Variants in SBF2 observed in about 807,000 individuals in gnomAD.
SBF2 encodes SET binding factor 2.
SBF2 carries 112 observed loss-of-function variants against 225.2 expected under a neutral mutation model. That is an observed-to-expected ratio of 0.50 (90% CI 0.43 to 0.58). The LOEUF (loss-of-function observed/expected upper bound fraction) is 0.58, where lower values mean the gene tolerates loss of function less well. SBF2 is among the 20% of genes least tolerant of loss of function. The probability of loss-of-function intolerance (pLI) is 0.00; values close to 1 mark genes in which losing one functional copy is unlikely to be tolerated. For synonymous variants in SBF2, 763 were observed against 773.3 expected (o/e 0.99, Z 0.22); for missense variants, 1,996 against 2,206.2 (o/e 0.90, Z 1.91).
intron 23 of SBF2, 38 bp from the exon 24 acceptor site, chr11:9,845,778 A>C: frequency 1.2e-6 from 2 of 1,602,660 alleles, no homozygotes; most frequent in Non-Finnish European, 1.7e-6. Context: ...AGAAGCATTA[A>C]GGATTTCCTG....
At chr11:10,023,095 G>C (rs1948921858) in intron 6 of SBF2, among the ~76,000 whole-genome samples, 1 of 151,930 alleles carries the variant, frequency 6.6e-6, no homozygotes. Flanking sequence ...TTATTAATTA[G>C]AAGACTTTCT....
intron 29 of SBF2, among the ~76,000 whole-genome samples, chr11:9,816,099 T>A (rs1012421261): frequency 1.3e-5 from 2 of 152,264 alleles, no homozygotes; most frequent in Non-Finnish European, 2.9e-5. Context: ...ATAACTTTCA[T>A]GTCCTATATA....
intron 28 of SBF2, among the ~76,000 whole-genome samples, chr11:9,822,633 G>A (rs1022572535): frequency 7.2e-5 from 11 of 152,192 alleles, no homozygotes; most frequent in Non-Finnish European, 1.6e-4. Flanking sequence ...CGGCTAAGGG[G>A]ACTGCTTCAG....
At chr11:10,023,063 A>G (rs941836617) in intron 6 of SBF2, among the ~76,000 whole-genome samples, 3 of 152,124 alleles carry the variant, frequency 2.0e-5, no homozygotes, top group African/African-American at 7.2e-5. Context: ...ATGATACTCT[A>G]TTTCCATCAT....
At chr11:10,232,311 A>G (rs1413532911) in intron 1 of SBF2, among the ~76,000 whole-genome samples, 1 of 152,028 alleles carries the variant, frequency 6.6e-6, no homozygotes, top group Non-Finnish European at 1.5e-5. Context: ...TGCACCCACT[A>G]TCCTGCACCC....
chr11:9,815,168 A>G (rs899307402), intron 29 of SBF2, among the ~76,000 whole-genome samples: 1 of 150,270 alleles, frequency 6.7e-6, no homozygotes, highest in Non-Finnish European at 1.5e-5. Flanking sequence ...GTCCGGGTGT[A>G]GTGGCTCACG....
At chr11:9,963,651 A>T (rs957175246) in intron 15 of SBF2, 122 bp downstream of exon 15, 6 of 644,210 alleles carry the variant, frequency 9.3e-6, no homozygotes, top group Non-Finnish European at 1.7e-5. Context: ...GATCCAAACA[A>T]TGAGAGGATA....
intron 16 of SBF2, chr11:9,959,599 T>A: frequency 7.8e-6 from 6 of 765,812 alleles, no homozygotes; most frequent in Non-Finnish European, 1.5e-5. Context: ...GTTGGAACCT[T>A]CAAAGTACTA....
chr11:9,997,626 A>C (rs536519932), intron 9 of SBF2, among the ~76,000 whole-genome samples: 19 of 152,166 alleles, frequency 1.2e-4, no homozygotes, highest in South Asian at 6.2e-4. Flanking sequence ...AAAATACAAA[A>C]AATTAGCCGG....
At chr11:9,881,480 G>C (rs1035828650) in intron 17 of SBF2, among the ~76,000 whole-genome samples, 1 of 152,064 alleles carries the variant, frequency 6.6e-6, no homozygotes, top group Admixed American at 6.6e-5. Context: ...AGAGAGTTAA[G>C]CTATAAAAAT....
chr11:9,856,191 A>C (rs1323446107), intron 19 of SBF2, among the ~76,000 whole-genome samples: 2 of 152,220 alleles, frequency 1.3e-5, no homozygotes, highest in African/African-American at 4.8e-5. Flanking sequence ...TTTGGCAGAC[A>C]GTAACTGAAG....
At chr11:9,935,754 ATG>A (rs1241250440) in intron 16 of SBF2, among the ~76,000 whole-genome samples, 1 of 152,258 alleles carries the variant, frequency 6.6e-6, no homozygotes, top group Non-Finnish European at 1.5e-5. Flanking sequence ...GACTAGCCAT[ATG>A]TAGAAAGCTG....
At chr11:10,048,827 T>C (rs535045377) in intron 2 of SBF2, among the ~76,000 whole-genome samples, 2 of 152,194 alleles carry the variant, frequency 1.3e-5, no homozygotes, top group South Asian at 4.1e-4. Flanking sequence ...GACCAGTGCA[T>C]GATATTATAA....
intron 16 of SBF2, among the ~76,000 whole-genome samples, chr11:9,941,888 T>A (rs547809619): frequency 3.3e-5 from 5 of 152,302 alleles, no homozygotes; most frequent in African/African-American, 1.2e-4. Flanking sequence ...AAAGAATATG[T>A]GGCAAATTAC....
chr11:10,084,025 A>C (rs1031548521), intron 2 of SBF2, among the ~76,000 whole-genome samples: 3 of 152,194 alleles, frequency 2.0e-5, no homozygotes, highest in African/African-American at 4.8e-5. Context: ...CAAAAAGCTT[A>C]TGCACAGCAA....
chr11:10,069,468 G>A (rs1305292189), intron 2 of SBF2, among the ~76,000 whole-genome samples: 2 of 152,112 alleles, frequency 1.3e-5, no homozygotes, highest in African/African-American at 4.8e-5. Context: ...CTTCATCCAT[G>A]TACCTGCAAA....
chr11:9,950,078 C>T (rs562427814), intron 16 of SBF2, among the ~76,000 whole-genome samples: 1 of 151,780 alleles, frequency 6.6e-6, no homozygotes, highest in East Asian at 1.9e-4. Flanking sequence ...AAGGAAGGGA[C>T]CTTGCAGGGA....
intron 16 of SBF2, among the ~76,000 whole-genome samples, chr11:9,933,454 A>T (rs1208342485): frequency 6.6e-6 from 1 of 152,210 alleles, no homozygotes; most frequent in African/African-American, 2.4e-5. Context: ...ATCACAACAA[A>T]CTGTGTCTCA....
chr11:10,208,747 A>G (rs1376889029), intron 1 of SBF2, among the ~76,000 whole-genome samples: 1 of 152,138 alleles, frequency 6.6e-6, no homozygotes, highest in African/African-American at 2.4e-5. Context: ...AAAATTTCAG[A>G]CAAATTTCTT....
Sources: gnomAD v4.1 joint callset for allele counts (sites outside exome capture counted in the v4.1 genomes callset) on GRCh38, gnomAD v4.1.1 for gene constraint, MANE v1.5 for transcripts, NCBI Gene and HGNC (gene_info 2026-07-23, HGNC 2026-07-21) for gene names.